ADA2: variants seen among roughly 807,000 people sequenced by gnomAD.
ADA2 encodes the protein adenosine deaminase 2.
ADA2 carries 29 observed loss-of-function variants against 44.2 expected under a neutral mutation model. The ratio of observed to expected loss-of-function variants is 0.66; its 90% CI spans 0.49 to 0.89. The LOEUF (loss-of-function observed/expected upper bound fraction) is 0.89, where lower values mean the gene tolerates loss of function less well. Ranked by LOEUF, ADA2 falls within the 40% of genes least tolerant of loss-of-function variation. The pLI, the probability that ADA2 is intolerant of heterozygous loss-of-function variation, is 0.00. For synonymous variants in ADA2, 215 were observed against 234.9 expected, an observed-to-expected ratio of 0.92 and a Z score of 0.77; for missense variants, 637 against 644.8, an observed-to-expected ratio of 0.99 and a Z score of 0.13.
chr22:17,209,888 A>AC, intron 1 of ADA2, 165 bp from the exon 2 acceptor site: 1 of 505,026 alleles, frequency 2.0e-6, no homozygotes, highest in Non-Finnish European at 3.4e-6. Context: ...GGGGTTTCCC[A>AC]ATTTTTTTTT....
chr22:17,215,921 G>A (rs571168802), intron 1 of ADA2, among the ~76,000 whole-genome samples: 12 of 151,956 alleles, frequency 7.9e-5, no homozygotes, highest in Admixed American at 4.6e-4. Context: ...GCAACAAAGC[G>A]AGACCCCCAT....
chr22:17,183,731 TG>T (rs2062001637), intron 7 of ADA2, among the ~76,000 whole-genome samples: 1 of 151,630 alleles, frequency 6.6e-6, no homozygotes, highest in Non-Finnish European at 1.5e-5. Flanking sequence ...CAAAGTGCTG[TG>T]ATTATAGGCA....
chr22:17,210,900 T>C (rs2062411838), intron 1 of ADA2, among the ~76,000 whole-genome samples: 1 of 152,152 alleles, frequency 6.6e-6, no homozygotes, highest in Non-Finnish European at 1.5e-5. Flanking sequence ...TGTTTTACTT[T>C]TAAATATAAC....
upstream of ADA2, among the ~76,000 whole-genome samples, chr22:17,220,386 G>C (rs1263675363): frequency 6.6e-6 from 1 of 152,138 alleles, no homozygotes; most frequent in African/African-American, 2.4e-5. Context: ...CACTGTAGCA[G>C]TGGGGCCTCG....
chr22:17,214,166 C>G (rs1237852447), intron 1 of ADA2: 1 of 684,838 alleles, frequency 1.5e-6, no homozygotes, highest in Non-Finnish European at 2.6e-6. Flanking sequence ...TAGCCGCCTG[C>G]CCCCAGTAGG....
chr22:17,194,196 G>A (rs573366958), intron 4 of ADA2, among the ~76,000 whole-genome samples: 3 of 152,264 alleles, frequency 2.0e-5, no homozygotes, highest in South Asian at 2.1e-4. Flanking sequence ...TCAAGGAGCC[G>A]AGGTTGAGAG....
At position 17,197,305 on chromosome 22, in the gene ADA2, C is replaced by A. The variant is rs12160609; in HGVS notation, c.754-5495G>T. Among the ~76,000 whole-genome samples the A allele has an allele frequency of 4.7e-5, 7 of 149,830 alleles. No homozygotes were observed. In the East Asian group the frequency reaches 1.2e-3, roughly 25 times the overall value. ...TTGTCTGAGACAGGGTCTCACTCTG[C>A]GGCCCAGGCTGCAGTGCAGTGGCAT... On this transcript the variant is annotated intron_variant, in intron 4 of 9. Coordinates refer to ENST00000399837, the MANE Select transcript of ADA2 (RefSeq NM_001282225.2).
chr22:17,209,087 T>C (rs1174962503), intron 2 of ADA2, among the ~76,000 whole-genome samples: 1 of 152,080 alleles, frequency 6.6e-6, no homozygotes, highest in Non-Finnish European at 1.5e-5. Context: ...ATGTGGTAGC[T>C]TAGCCCCTGG....
At chr22:17,217,240 GAA>G (rs796115081) in intron 1 of ADA2, among the ~76,000 whole-genome samples, 26 of 146,336 alleles carry the variant, frequency 1.8e-4, no homozygotes, top group African/African-American at 6.2e-4. Flanking sequence ...GAAGGAAAAA[GAA>G]AAAAAAAACA....
intron 5 of ADA2, among the ~76,000 whole-genome samples, chr22:17,190,499 G>A (rs1395045618): frequency 6.6e-6 from 1 of 152,188 alleles, no homozygotes; most frequent in Non-Finnish European, 1.5e-5. Context: ...GCCTCTTGCT[G>A]ATTAAGTCAG....
chr22:17,190,728 G>C lies in ADA2; in HGVS notation c.882-696C>G, dbSNP rs377050870. 1.2e-4 allele frequency among the ~76,000 whole-genome samples: 18 copies of C among 152,298 alleles called. No individual in the cohort carries two copies. The East Asian group carries it at 3.5e-3, about 29-fold the overall frequency. On this transcript the variant is annotated intron_variant, in intron 5 of 9. Transcript: ENST00000399837. Reference sequence around the variant, plus strand: ...GAGCCTAGGCAAACCTGGGGGCACTGATGCACTCAGCTCAGCCCTCACACC... The same window carrying C: ...GAGCCTAGGCAAACCTGGGGGCACTCATGCACTCAGCTCAGCCCTCACACC...
At chr22:17,194,943 C>G (rs2062171552) in intron 4 of ADA2, among the ~76,000 whole-genome samples, 1 of 152,034 alleles carries the variant, frequency 6.6e-6, no homozygotes, top group South Asian at 2.1e-4. Flanking sequence ...CCTCCCCTCT[C>G]CCGTACCAGG....
intron 1 of ADA2, among the ~76,000 whole-genome samples, chr22:17,210,485 C>T (rs983841725): frequency 6.6e-6 from 1 of 152,202 alleles, no homozygotes. Context: ...TCACCGCGCC[C>T]GGCAGGTTTT....
At chr22:17,201,613 A>G (rs1033353789) in intron 4 of ADA2, among the ~76,000 whole-genome samples, 6 of 152,158 alleles carry the variant, frequency 3.9e-5, no homozygotes, top group Non-Finnish European at 8.8e-5. Context: ...GTCTGAGCTC[A>G]CCACATAAAA....
At chr22:17,208,380 C>T (rs1019093684) in intron 2 of ADA2, among the ~76,000 whole-genome samples, 14 of 146,778 alleles carry the variant, frequency 9.5e-5, no homozygotes, top group African/African-American at 2.8e-4. Flanking sequence ...GCTGAGATCA[C>T]GCCACCGCAC....
intron 1 of ADA2, among the ~76,000 whole-genome samples, chr22:17,213,257 A>G (rs1189210904): frequency 6.6e-6 from 1 of 152,210 alleles, no homozygotes; most frequent in Non-Finnish European, 1.5e-5. Context: ...AAACTAGTAC[A>G]GCCACTATGG....
intron 2 of ADA2, among the ~76,000 whole-genome samples, chr22:17,208,838 A>ATTTTTTTT (rs796662081): frequency 2.8e-5 from 4 of 143,000 alleles, no homozygotes; most frequent in Non-Finnish European, 4.6e-5. Context: ...AAAAATTAAC[A>ATTTTTTTT]TTTTTTGGGG....
intron 5 of ADA2, 129 bp from the exon 6 acceptor site, chr22:17,190,161 CCCCTG>C (rs2062097524): frequency 1.5e-6 from 1 of 681,854 alleles, no homozygotes; most frequent in Non-Finnish European, 2.6e-6. Context: ...ACCTGAGGCA[CCCCTG>C]CCCTCCTGAC....
Position 17,203,691 on chromosome 22 carries a change from T to A in ADA2, c.625A>T (p.Thr209Ser). The A allele has an allele frequency of 6.2e-7, 1 of 1,614,020 alleles. No homozygotes were observed. The highest frequency in any genetic ancestry group is 2.2e-5 in the East Asian group (1 of 44,862). The change falls in exon 4 of 10, where the codon ACC (threonine) becomes TCC (serine). Residue 209 changes from threonine (T) to serine (S), a missense_variant. Transcript: ENST00000399837. ...NQNVVWSKFE[T>S]IFFTISGLIH... ...AGACCAGAGATGGTGAAGAAGATGG[T>A]TTCAAATTTCGACCAGACAACATTT...
Sources: gnomAD v4.1 joint callset for allele counts (sites outside exome capture counted in the v4.1 genomes callset) on GRCh38, gnomAD v4.1.1 for gene constraint, MANE v1.5 for transcripts, NCBI Gene and HGNC (gene_info 2026-07-23, HGNC 2026-07-21) for gene names.